Variants in TENM1 observed in about 807,000 individuals in gnomAD.
TENM1 encodes teneurin-1.
A neutral mutation model predicts 174.8 loss-of-function variants in TENM1; 35 were observed. That is an observed-to-expected ratio of 0.20 (90% CI 0.15 to 0.27). The LOEUF is 0.27. TENM1 is among the 10% of genes least tolerant of loss of function. The pLI is 1.00. For synonymous variants in TENM1, 781 were observed against 798.7 expected, an observed-to-expected ratio of 0.98 and a Z score of 0.37; for missense variants, 1,633 against 2,130.1, an observed-to-expected ratio of 0.77 and a Z score of 4.59.
At chrX:124,937,890 T>G (rs1169675965) in intron 1 of TENM1, among the ~76,000 whole-genome samples, 1 of 112,299 alleles carries the variant, frequency 8.9e-6, no homozygotes, top group Non-Finnish European at 1.9e-5. Context: ...TTTATCAATA[T>G]TATTACAGCT....
the TENM1 span, among the ~76,000 whole-genome samples, chrX:125,020,656 T>C: frequency 2.7e-5 from 3 of 110,742 alleles, no homozygotes; most frequent in South Asian, 3.8e-4. Flanking sequence ...CTAAAGGCCA[T>C]TGGGCTGCAT....
At chrX:124,734,122 C>T (rs779029047) in intron 4 of TENM1, among the ~76,000 whole-genome samples, 2 of 110,855 alleles carry the variant, frequency 1.8e-5, no homozygotes, top group Non-Finnish European at 3.8e-5. Flanking sequence ...ACTCACCTCC[C>T]CCTTTCAATT....
At chrX:124,812,902 T>G (rs992075352) in intron 3 of TENM1, among the ~76,000 whole-genome samples, 2 of 110,981 alleles carry the variant, frequency 1.8e-5, no homozygotes, top group African/African-American at 6.5e-5. Flanking sequence ...TTTCTTTAGA[T>G]TTCTTGATTA....
chrX:125,074,113 A>T, the TENM1 span, among the ~76,000 whole-genome samples: 1 of 111,439 alleles, frequency 9.0e-6, no homozygotes, highest in Non-Finnish European at 1.9e-5. Context: ...ACCTCACTAG[A>T]TTTGTTGGAA....
intron 11 of TENM1, among the ~76,000 whole-genome samples, chrX:124,593,386 C>A (rs918762110): frequency 7.2e-5 from 8 of 111,668 alleles, no homozygotes; most frequent in Non-Finnish European, 1.3e-4. Flanking sequence ...AAGGGTGCAG[C>A]AGCTCATGGT....
intron 15 of TENM1, among the ~76,000 whole-genome samples, chrX:124,545,535 A>T (rs1463889750): frequency 9.0e-6 from 1 of 110,822 alleles, no homozygotes; most frequent in East Asian, 2.8e-4. Context: ...TTTTTTTTGG[A>T]TCAACTTTTC....
At chrX:125,130,968 G>T in the TENM1 span, among the ~76,000 whole-genome samples, 1 of 112,038 alleles carries the variant, frequency 8.9e-6, no homozygotes, top group Non-Finnish European at 1.9e-5. Flanking sequence ...AGCAACATCA[G>T]AGGGTTATGG....
intron 25 of TENM1, among the ~76,000 whole-genome samples, chrX:124,415,981 ACT>A (rs1331699758): frequency 5.4e-5 from 6 of 111,358 alleles, no homozygotes; most frequent in Non-Finnish European, 1.1e-4. Flanking sequence ...TCTTCTGTTT[ACT>A]CTGTTTCTCC....
At chrX:125,099,729 G>A in the TENM1 span, among the ~76,000 whole-genome samples, 105 of 111,558 alleles carry the variant, frequency 9.4e-4, 1 homozygote, top group African/African-American at 3.3e-3. Flanking sequence ...AATGAATTCT[G>A]ACATAAAATA....
chrX:124,605,451 T>C (rs1430358143), intron 11 of TENM1, among the ~76,000 whole-genome samples: 1 of 109,777 alleles, frequency 9.1e-6, no homozygotes, highest in Non-Finnish European at 1.9e-5. Flanking sequence ...AGAGAATTGT[T>C]GGTGATCTTC....
chrX:124,449,060 C>G, intron 23 of TENM1, among the ~76,000 whole-genome samples: 1 of 111,910 alleles, frequency 8.9e-6, no homozygotes, highest in African/African-American at 3.2e-5. Flanking sequence ...GTCTCAGGCA[C>G]AGAACAGGAA....
intron 5 of TENM1, among the ~76,000 whole-genome samples, chrX:124,693,914 G>A (rs2052589205): frequency 9.0e-6 from 1 of 111,419 alleles, no homozygotes; most frequent in Non-Finnish European, 1.9e-5. Flanking sequence ...CAGGAGTTTG[G>A]TGACTTGTTA....
rs1007980590 is a variant in TENM1 at position 124,957,661 on chromosome X, A to G, written c.217+5876T>C. 2.7e-5 allele frequency among the ~76,000 whole-genome samples: 3 copies of G among 110,668 alleles called. No homozygotes were observed. The East Asian group carries it at 8.4e-4, about 31-fold the overall frequency. On this transcript the variant is annotated intron_variant, in intron 1 of 31. Transcript: ENST00000422452. The stretch of plus-strand genomic sequence containing the variant: ...ATGTGAGATATAGGTTTAGGTTGTA[A>G]TCCTGAAGAGAAAAACAACCAACCA...
the TENM1 span, among the ~76,000 whole-genome samples, chrX:125,129,014 GATTAGTGACCTT>G: frequency 9.0e-6 from 1 of 110,894 alleles, no homozygotes; most frequent in African/African-American, 3.3e-5. Flanking sequence ...GATCCAACAG[GATTAGTGACCTT>G]ATTAGAAAAG....
chrX:124,956,990 C>T (rs2058583025), intron 1 of TENM1, among the ~76,000 whole-genome samples: 1 of 112,301 alleles, frequency 8.9e-6, no homozygotes, highest in South Asian at 3.7e-4. Flanking sequence ...AGGGCAAAGA[C>T]TGCACAGGTG....
intron 18 of TENM1, among the ~76,000 whole-genome samples, chrX:124,518,785 C>T (rs2047775842): frequency 9.0e-6 from 1 of 111,362 alleles, no homozygotes; most frequent in Non-Finnish European, 1.9e-5. Flanking sequence ...ATTATTTGAA[C>T]CCGGGGAAGG....
At chrX:124,687,892 T>C (rs1450635862) in intron 5 of TENM1, among the ~76,000 whole-genome samples, 1 of 112,389 alleles carries the variant, frequency 8.9e-6, no homozygotes, top group Non-Finnish European at 1.9e-5. Flanking sequence ...GTGGTGGCTG[T>C]CAAGGACTGG....
the TENM1 span, among the ~76,000 whole-genome samples, chrX:124,991,514 G>C: frequency 1.8e-5 from 2 of 109,417 alleles, no homozygotes; most frequent in African/African-American, 6.7e-5. Context: ...GAGACAGAGA[G>C]ACAGAGAGAG....
chrX:124,550,353 T>C (rs966779802), intron 14 of TENM1, among the ~76,000 whole-genome samples: 3 of 112,330 alleles, frequency 2.7e-5, no homozygotes, highest in Non-Finnish European at 5.6e-5. Flanking sequence ...ACTTGTATTA[T>C]CACCTTGATA....
Sources: allele counts gnomAD v4.1 joint callset (sites outside exome capture counted in the v4.1 genomes callset), GRCh38; gene constraint gnomAD v4.1.1; transcripts MANE v1.5; gene names NCBI Gene and HGNC (gene_info 2026-07-23, HGNC 2026-07-21).